The following CA5A variants were observed in gnomAD, a reference collection of about 807,000 sequenced individuals.
CA5A encodes carbonic anhydrase 5A, also known as carbonic anhydrase 5A, mitochondrial.
In CA5A, 28 loss-of-function variants were observed where a neutral mutation model predicts 37.1. The ratio of observed to expected loss-of-function variants is 0.75; its 90% CI spans 0.56 to 1.03. CA5A has a LOEUF of 1.03. Ranked by LOEUF, CA5A falls within the 50% of genes least tolerant of loss-of-function variation. The probability of loss-of-function intolerance (pLI) is 0.00; values close to 1 mark genes in which losing one functional copy is unlikely to be tolerated. For missense variants in CA5A, 444 were observed against 399.9 expected (o/e 1.11, Z -0.94); for synonymous variants, 171 against 158.4 (o/e 1.08, Z -0.60).
At chr16:87,898,827 T>G (rs1184162953) in intron 5 of CA5A, among the ~76,000 whole-genome samples, 1 of 149,046 alleles carries the variant, frequency 6.7e-6, no homozygotes, top group Non-Finnish European at 1.5e-5. Flanking sequence ...CTCCGTCTCC[T>G]GGGTTCAAGC....
intron 2 of CA5A, among the ~76,000 whole-genome samples, chr16:87,905,622 G>A (rs2055949727): frequency 6.6e-6 from 1 of 152,230 alleles, no homozygotes; most frequent in African/African-American, 2.4e-5. Context: ...GCCTCCCAAA[G>A]CGCTGGGATG....
intron 6 of CA5A, among the ~76,000 whole-genome samples, chr16:87,890,315 T>C (rs550882045): frequency 1.4e-4 from 22 of 152,328 alleles, no homozygotes; most frequent in African/African-American, 4.6e-4. Context: ...TATATGCTTG[T>C]TGAGTGGCAT....
rs900860503 is a variant in CA5A, at chr16:87,927,103, C to A, written c.143-158G>T. Among the ~76,000 whole-genome samples, 3 of 152,258 alleles carry A rather than the reference C, an allele frequency of 2.0e-5. No individual in the cohort carries two copies. In the South Asian group the frequency reaches 6.2e-4, roughly 31 times the overall value. On this transcript the variant is annotated intron_variant, in intron 1 of 6. Coordinates refer to ENST00000649794, the MANE Select transcript of CA5A (RefSeq NM_001739.2). Reference sequence around the variant, plus strand: ...GCGCGTGGGGGCCCCTGCGCAGCGACGCACGCCCACAGGGTACTCGCCTGC... The same window carrying A: ...GCGCGTGGGGGCCCCTGCGCAGCGAAGCACGCCCACAGGGTACTCGCCTGC...
intron 6 of CA5A, 146 bp from the exon 7 acceptor site, chr16:87,888,418 G>C: frequency 1.4e-6 from 1 of 709,294 alleles, no homozygotes; most frequent in Non-Finnish European, 2.3e-6. Flanking sequence ...GTGATGGTGT[G>C]TGCAGGGCCA....
chr16:87,883,376 C>A (rs961006474), downstream of CA5A: 2 of 148,138 alleles, frequency 1.4e-5, no homozygotes, highest in African/African-American at 5.0e-5. Flanking sequence ...GTTGCCCAGG[C>A]TGGAGTACAG....
chr16:87,913,125 G>C (rs543475387), intron 2 of CA5A, among the ~76,000 whole-genome samples: 14 of 151,600 alleles, frequency 9.2e-5, no homozygotes, highest in African/African-American at 3.4e-4. Context: ...ATTACAGGCA[G>C]GCACCACCAC....
At chr16:87,926,248 T>TAAAATAAAAC (rs59081572) in intron 2 of CA5A, among the ~76,000 whole-genome samples, 2 of 151,854 alleles carry the variant, frequency 1.3e-5, no homozygotes, top group Non-Finnish European at 2.9e-5. Flanking sequence ...TAAAATAAAA[T>TAAAATAAAAC]GTCGGCCAGG....
At chr16:87,904,681 A>C (rs1301408429) in intron 3 of CA5A, 105 bp downstream of exon 3, 6 of 698,066 alleles carry the variant, frequency 8.6e-6, no homozygotes, top group Non-Finnish European at 1.3e-5. Context: ...AGGCCCCAGG[A>C]AATCCTTCAC....
At chr16:87,906,443 C>T (rs1162170017) in intron 2 of CA5A, among the ~76,000 whole-genome samples, 1 of 152,016 alleles carries the variant, frequency 6.6e-6, no homozygotes, top group Non-Finnish European at 1.5e-5. Context: ...GCCTGGCCAA[C>T]GTGGTGTAAC....
chr16:87,905,676 A>G (rs2055950925), intron 2 of CA5A, among the ~76,000 whole-genome samples: 1 of 152,230 alleles, frequency 6.6e-6, no homozygotes, highest in African/African-American at 2.4e-5. Flanking sequence ...GTCTTTAAAT[A>G]AGAAGACCCT....
intron 2 of CA5A, among the ~76,000 whole-genome samples, chr16:87,919,096 C>T (rs547229610): frequency 6.6e-6 from 1 of 152,302 alleles, no homozygotes; most frequent in African/African-American, 2.4e-5. Flanking sequence ...GGGCCTAGAT[C>T]CTTTAAGCAG....
At chr16:87,933,387 T>C (rs1274017234) in intron 1 of CA5A, among the ~76,000 whole-genome samples, 3 of 152,168 alleles carry the variant, frequency 2.0e-5, no homozygotes, top group African/African-American at 4.8e-5. Flanking sequence ...CCTAAAATTA[T>C]TTTTTCTTAG....
chr16:87,892,130 A>G, intron 5 of CA5A, 176 bp from the exon 6 acceptor site: 1 of 526,716 alleles, frequency 1.9e-6, no homozygotes, highest in East Asian at 3.5e-5. Flanking sequence ...TGACCCTTCT[A>G]TACAGAGCAA....
intron 2 of CA5A, among the ~76,000 whole-genome samples, chr16:87,905,571 C>A (rs371803397): frequency 6.6e-6 from 1 of 152,134 alleles, no homozygotes. Flanking sequence ...GTTAGCCAGG[C>A]TGGTCTCAAA....
chr16:87,897,536 A>G (rs55883615), intron 5 of CA5A, among the ~76,000 whole-genome samples: 43,979 of 150,368 alleles, frequency 0.29, 6,821 homozygotes, highest in African/African-American at 0.38. Context: ...GTGGGGGTCC[A>G]GGCTTCCAGG....
In CA5A at chr16:87,888,055, C is replaced by A; in HGVS notation, c.*74G>T. On this transcript the variant is annotated 3_prime_UTR_variant, in exon 7 of 7. Coordinates refer to ENST00000649794, the MANE Select transcript of CA5A (RefSeq NM_001739.2). Reference sequence around the variant, plus strand: ...TTTAATTTCAGAAGTCATGTACAATCACATTGTGAAACTTGGGAAACAACG... The same window carrying A: ...TTTAATTTCAGAAGTCATGTACAATAACATTGTGAAACTTGGGAAACAACG... The A allele has an allele frequency of 5.3e-6, 8 of 1,516,354 alleles. No individual in the cohort carries two copies. The highest frequency in any genetic ancestry group is 7.1e-6 in the Non-Finnish European group (8 of 1,128,612). The allele number at this position is 1,516,354 out of a possible 1,614,324, so 93.9% of individuals were successfully genotyped here.
At chr16:87,894,574 A>T (rs1597545354) in intron 5 of CA5A, among the ~76,000 whole-genome samples, 2 of 82,990 alleles carry the variant, frequency 2.4e-5, no homozygotes, top group South Asian at 4.3e-4. Flanking sequence ...CCAGTTAATT[A>T]AAAAAAAAAA....
chr16:87,892,895 A>G (rs1327099590), intron 5 of CA5A: 1 of 467,804 alleles, frequency 2.1e-6, no homozygotes, highest in East Asian at 3.4e-5. Context: ...ACCTCGGATG[A>G]TCCACCCGCC....
intron 1 of CA5A, among the ~76,000 whole-genome samples, chr16:87,928,751 C>CT (rs1567537787): frequency 8.4e-5 from 9 of 107,270 alleles, no homozygotes; most frequent in African/African-American, 2.5e-4. Context: ...GGATTATTTT[C>CT]TTTTCTTTGT....
Sources: gnomAD v4.1 joint callset for allele counts (sites outside exome capture counted in the v4.1 genomes callset) on GRCh38, gnomAD v4.1.1 for gene constraint, MANE v1.5 for transcripts, NCBI Gene and HGNC (gene_info 2026-07-23, HGNC 2026-07-21) for gene names.